Variants in CNTNAP5 observed in about 807,000 individuals in gnomAD.
CNTNAP5 encodes the protein contactin-associated protein-like 5.
CNTNAP5 carries 72 observed loss-of-function variants against 150.2 expected under a neutral mutation model. The observed-to-expected ratio is 0.48, with a 90% CI of 0.40 to 0.58. The LOEUF is 0.58. CNTNAP5 is among the 20% of genes least tolerant of loss of function. CNTNAP5 has a pLI of 0.00. For missense variants in CNTNAP5, 1,636 were observed against 1,626.2 expected, an observed-to-expected ratio of 1.01 and a Z score of -0.10; for synonymous variants, 672 against 619.8, an observed-to-expected ratio of 1.08 and a Z score of -1.25.
intron 1 of CNTNAP5, among the ~76,000 whole-genome samples, chr2:124,199,692 G>A (rs376504783): frequency 6.6e-6 from 1 of 152,150 alleles, no homozygotes; most frequent in South Asian, 2.1e-4. Flanking sequence ...TGGGATTACA[G>A]GCATGAGCCA....
intron 11 of CNTNAP5, among the ~76,000 whole-genome samples, chr2:124,600,253 G>T (rs1471322855): frequency 6.6e-6 from 1 of 151,596 alleles, no homozygotes; most frequent in East Asian, 1.9e-4. Context: ...GGAACTCTTT[G>T]TCGTTTACCA....
intron 1 of CNTNAP5, among the ~76,000 whole-genome samples, chr2:124,033,398 C>T (rs1295782695): frequency 6.6e-6 from 1 of 152,114 alleles, no homozygotes; most frequent in African/African-American, 2.4e-5. Flanking sequence ...TAGTCTAGGC[C>T]ACTATTTACT....
At chr2:124,694,464 T>C (rs1679362967) in intron 13 of CNTNAP5, among the ~76,000 whole-genome samples, 1 of 152,228 alleles carries the variant, frequency 6.6e-6, no homozygotes, top group East Asian at 1.9e-4. Context: ...AAACATAGTC[T>C]GAAATGATCT....
chr2:124,655,760 G>A (rs1161773529), intron 13 of CNTNAP5, among the ~76,000 whole-genome samples: 2 of 151,582 alleles, frequency 1.3e-5, no homozygotes, highest in Non-Finnish European at 2.9e-5. Flanking sequence ...AGTTATCCAG[G>A]TGTGGTGGGG....
rs867224722 is a variant in CNTNAP5, at chr2:124,487,536, A to G, written c.1062+12654A>G. 3.3e-5 allele frequency among the ~76,000 whole-genome samples: 5 copies of G among 152,178 alleles called. No homozygotes were observed. In the Middle Eastern group the frequency reaches 0.01, roughly 311 times the overall value. On this transcript the variant is annotated intron_variant, in intron 7 of 23. Transcript: ENST00000682447. ...TGCAGCTGAAAATCTGATCTTTGTT[A>G]CAGAAACTTCAATGCTAGCTTCCCA...
chr2:124,126,213 T>TAA (rs530037221), intron 1 of CNTNAP5, among the ~76,000 whole-genome samples: 1 of 151,612 alleles, frequency 6.6e-6, no homozygotes, highest in African/African-American at 2.4e-5. Context: ...ATAGACGCAA[T>TAA]AAAAAAATGA....
At chr2:124,263,188 C>T (rs951608855) in intron 3 of CNTNAP5, among the ~76,000 whole-genome samples, 19 of 152,148 alleles carry the variant, frequency 1.2e-4, no homozygotes, top group Non-Finnish European at 2.4e-4. Context: ...CTGGGTCAAA[C>T]GGTATTTCTA....
intron 1 of CNTNAP5, among the ~76,000 whole-genome samples, chr2:124,093,523 T>C (rs1392015536): frequency 1.3e-5 from 2 of 152,222 alleles, no homozygotes; most frequent in Admixed American, 1.3e-4. Flanking sequence ...ATATGAATGA[T>C]TTGATGCTAG....
At chr2:124,522,357 T>A (rs1438732266) in intron 8 of CNTNAP5, among the ~76,000 whole-genome samples, 2 of 152,222 alleles carry the variant, frequency 1.3e-5, no homozygotes, top group Admixed American at 6.5e-5. Flanking sequence ...CTACTTTTGG[T>A]GAGATCCTCT....
chr2:124,458,855 T>C (rs1693182603), intron 6 of CNTNAP5, among the ~76,000 whole-genome samples: 1 of 152,142 alleles, frequency 6.6e-6, no homozygotes, highest in African/African-American at 2.4e-5. Flanking sequence ...AAAAAAGAAA[T>C]GCTAATCCAT....
chr2:124,065,081 C>T (rs192091168), intron 1 of CNTNAP5, among the ~76,000 whole-genome samples: 161 of 152,158 alleles, frequency 1.1e-3, no homozygotes, highest in African/African-American at 3.4e-3. Flanking sequence ...ATAGTGGATA[C>T]GCCACATATA....
chr2:124,201,463 G>A (rs1685725066), intron 1 of CNTNAP5, among the ~76,000 whole-genome samples: 1 of 152,188 alleles, frequency 6.6e-6, no homozygotes, highest in East Asian at 1.9e-4. Context: ...ATCATGCTAA[G>A]AAAGGGTAAT....
chr2:124,695,466 T>C (rs573262888), intron 13 of CNTNAP5, among the ~76,000 whole-genome samples: 2 of 152,304 alleles, frequency 1.3e-5, no homozygotes, highest in Admixed American at 6.5e-5. Flanking sequence ...TCCCCTGAAC[T>C]AGTATAAGCT....
chr2:124,419,940 C>CTTTCTT (rs1692046498), intron 4 of CNTNAP5, among the ~76,000 whole-genome samples: 1 of 119,798 alleles, frequency 8.3e-6, no homozygotes, highest in African/African-American at 3.5e-5. Context: ...TTCTTTCTTT[C>CTTTCTT]TTTCTTTCTT....
Position 124,917,801 on chromosome 2 carries a change from G to A in CNTNAP5, c.*3513G>A, listed in dbSNP as rs1294282208. On this transcript the variant is annotated 3_prime_UTR_variant, in exon 24 of 24. Coordinates refer to ENST00000682447, the MANE Select transcript of CNTNAP5 (RefSeq NM_001367498.1). ...CCTTGGGGAGCTCAAAGTCTAGCTG[G>A]CAAGGCATGTATTGTTGCAACAGGG... Among the ~76,000 whole-genome samples the A allele has an allele frequency of 1.3e-5, 2 of 151,978 alleles. No individual in the cohort carries two copies. The highest frequency in any genetic ancestry group is 2.9e-5 in the Non-Finnish European group (2 of 67,968).
chr2:124,680,704 A>T (rs961043981), intron 13 of CNTNAP5: 1 of 151,638 alleles, frequency 6.6e-6, no homozygotes, highest in African/African-American at 2.4e-5. Context: ...GCAATATACT[A>T]TATATTATTG....
At chr2:124,447,191 CAT>C (rs761419848) in intron 6 of CNTNAP5, among the ~76,000 whole-genome samples, 1 of 125,210 alleles carries the variant, frequency 8.0e-6, no homozygotes, top group Non-Finnish European at 1.7e-5. Flanking sequence ...GTTTCCTTCT[CAT>C]TTTTTTTTTT....
intron 13 of CNTNAP5, among the ~76,000 whole-genome samples, chr2:124,734,213 G>A (rs1156897173): frequency 6.6e-6 from 1 of 152,016 alleles, no homozygotes; most frequent in African/African-American, 2.4e-5. Context: ...TGGTGGGATG[G>A]GAGGAAGGCT....
intron 10 of CNTNAP5, among the ~76,000 whole-genome samples, chr2:124,532,577 G>A (rs1402145578): frequency 4.6e-5 from 7 of 152,288 alleles, no homozygotes; most frequent in Non-Finnish European, 1.0e-4. Context: ...GGATGCTGAT[G>A]AGGAAGGTGT....
Sources: gnomAD v4.1 joint callset for allele counts (sites outside exome capture counted in the v4.1 genomes callset) on GRCh38, gnomAD v4.1.1 for gene constraint, MANE v1.5 for transcripts, NCBI Gene and HGNC (gene_info 2026-07-23, HGNC 2026-07-21) for gene names.